The following HERC4 variants were observed in gnomAD, a reference collection of about 807,000 sequenced individuals.
HERC4 encodes probable E3 ubiquitin-protein ligase HERC4.
Under a neutral mutation model 124.3 loss-of-function variants are expected in HERC4, and 28 were observed. The observed-to-expected ratio is 0.23, with a 90% CI of 0.17 to 0.31. The LOEUF (loss-of-function observed/expected upper bound fraction) is 0.31, where lower values mean the gene tolerates loss of function less well. Ranked by LOEUF, HERC4 falls within the 10% of genes least tolerant of loss-of-function variation. The probability of loss-of-function intolerance (pLI) is 1.00; values close to 1 mark genes in which losing one functional copy is unlikely to be tolerated. For missense variants in HERC4, 713 were observed against 1,229.3 expected, an observed-to-expected ratio of 0.58 and a Z score of 6.28; for synonymous variants, 407 against 421.5, an observed-to-expected ratio of 0.97 and a Z score of 0.42.
intron 3 of HERC4, 46 bp from the exon 4 acceptor site, chr10:68,044,609 A>G (rs767201099): frequency 1.3e-6 from 2 of 1,554,982 alleles, no homozygotes; most frequent in East Asian, 2.3e-5. Flanking sequence ...TACAGAAATC[A>G]AGGAAAAAGA....
At chr10:67,996,545 G>A (rs1158940803) in intron 9 of HERC4, among the ~76,000 whole-genome samples, 1 of 152,008 alleles carries the variant, frequency 6.6e-6, no homozygotes, top group African/African-American at 2.4e-5. Context: ...ACTCCAAAGG[G>A]CTTTGTTTAC....
rs1378039200 is a variant in HERC4 at position 67,990,923 on chromosome 10, T to C, written c.1424A>G (p.His475Arg). 1 of 1,600,048 alleles carries C rather than the reference T, an allele frequency of 6.2e-7. No homozygotes were observed. Among genetic ancestry groups the C allele is most frequent in the African/African-American group, 1.3e-5 (1 of 74,458 alleles). The change falls in exon 13 of 25, where the codon CAT (histidine) becomes CGT (arginine). Residue 475 changes from histidine (H) to arginine (R), a missense_variant. Transcript: ENST00000373700. Reference sequence around the variant, plus strand: ...ACAGACCTGCTGAGATATCTGCGGATGATCAGGTTGTATAAGTTTGTGGAA... The same window carrying C: ...ACAGACCTGCTGAGATATCTGCGGACGATCAGGTTGTATAAGTTTGTGGAA... Reference protein sequence around the residue: ...LLFHKLIQPDHPQISQQVAAS... With the variant: ...LLFHKLIQPDRPQISQQVAAS...
At chr10:68,026,453 C>T (rs961780499) in intron 7 of HERC4, among the ~76,000 whole-genome samples, 4 of 151,662 alleles carry the variant, frequency 2.6e-5, no homozygotes, top group Non-Finnish European at 4.4e-5. Context: ...AAAAAAAACT[C>T]CCTATAAAAA....
chr10:67,979,159 T>C (rs190722148), intron 15 of HERC4, among the ~76,000 whole-genome samples: 4 of 151,926 alleles, frequency 2.6e-5, no homozygotes, highest in East Asian at 1.9e-4. Flanking sequence ...CAAAGACAAA[T>C]CTTGGAGAAA....
intron 3 of HERC4, among the ~76,000 whole-genome samples, chr10:68,059,486 T>C (rs1315221889): frequency 9.6e-6 from 1 of 104,468 alleles, no homozygotes; most frequent in African/African-American, 4.2e-5. Context: ...TAATATTATA[T>C]ATTATAACAT....
chr10:67,965,065 C>T (rs1277643137), intron 16 of HERC4: 1 of 152,370 alleles, frequency 6.6e-6, no homozygotes, highest in Non-Finnish European at 1.5e-5. Context: ...AGCCACCACA[C>T]CTGGCCTAAT....
intron 9 of HERC4, among the ~76,000 whole-genome samples, chr10:67,995,775 A>T (rs996320374): frequency 6.6e-6 from 1 of 152,078 alleles, no homozygotes; most frequent in Admixed American, 6.6e-5. Flanking sequence ...TCCTCAACTC[A>T]TATCTTCTTG....
intron 21 of HERC4, among the ~76,000 whole-genome samples, chr10:67,936,683 T>C (rs1413411817): frequency 6.6e-6 from 1 of 152,210 alleles, no homozygotes; most frequent in African/African-American, 2.4e-5. Flanking sequence ...TTTCCAGTTA[T>C]GTACTAATTT....
At chr10:68,014,969 G>A (rs970640249) in intron 8 of HERC4, among the ~76,000 whole-genome samples, 1 of 152,138 alleles carries the variant, frequency 6.6e-6, no homozygotes, top group African/African-American at 2.4e-5. Flanking sequence ...GCCATTTGTG[G>A]CATATTGTTT....
At chr10:67,927,506 AC>A in intron 23 of HERC4, among the ~76,000 whole-genome samples, 1 of 138,878 alleles carries the variant, frequency 7.2e-6, no homozygotes, top group African/African-American at 2.6e-5. Flanking sequence ...GCTCACTGCA[AC>A]CTCTGCCTCC....
intron 15 of HERC4, among the ~76,000 whole-genome samples, chr10:67,980,283 G>A (rs548741605): frequency 3.3e-5 from 5 of 152,036 alleles, no homozygotes; most frequent in South Asian, 2.1e-4. Flanking sequence ...ACAGACATGC[G>A]CCACCATGCC....
chr10:68,031,855 C>T (rs1474079512), intron 7 of HERC4, among the ~76,000 whole-genome samples: 3 of 152,028 alleles, frequency 2.0e-5, no homozygotes, highest in Admixed American at 2.0e-4. Flanking sequence ...CTGGGTTCAA[C>T]TGATTCTCCT....
chr10:68,051,135 CA>C (rs1177682590), intron 3 of HERC4, among the ~76,000 whole-genome samples: 5 of 147,026 alleles, frequency 3.4e-5, no homozygotes, highest in African/African-American at 1.3e-4. Flanking sequence ...AAACTTGCCA[CA>C]CAAGTCCATT....
At chr10:68,040,478 T>G (rs932737422) in intron 4 of HERC4, 1 of 755,284 alleles carries the variant, frequency 1.3e-6, no homozygotes, top group Non-Finnish European at 1.6e-6. Context: ...AAGAGATAAA[T>G]TAGAAAATAA....
intron 9 of HERC4, among the ~76,000 whole-genome samples, chr10:68,004,519 G>A (rs189514474): frequency 1.6e-4 from 25 of 152,254 alleles, no homozygotes; most frequent in Middle Eastern, 3.4e-3. Context: ...ATAGTTTCAG[G>A]TCTTAGATTT....
At chr10:67,944,351 T>G (rs1229988570) in intron 19 of HERC4, among the ~76,000 whole-genome samples, 2 of 152,228 alleles carry the variant, frequency 1.3e-5, no homozygotes, top group Admixed American at 6.5e-5. Context: ...GGACAGTACC[T>G]CTTAGTTTGC....
intron 22 of HERC4, among the ~76,000 whole-genome samples, chr10:67,933,904 C>G (rs745525085): frequency 2.6e-5 from 4 of 152,104 alleles, no homozygotes; most frequent in Non-Finnish European, 5.9e-5. Flanking sequence ...AGTTATAAAG[C>G]ATCTAAGTAG....
intron 3 of HERC4, among the ~76,000 whole-genome samples, chr10:68,066,598 G>C (rs1233187000): frequency 6.6e-6 from 1 of 152,186 alleles, no homozygotes; most frequent in East Asian, 1.9e-4. Context: ...GCATCTTAGA[G>C]AGAGATGCAT....
At chr10:67,952,757 G>A (rs1333673320) in intron 19 of HERC4, among the ~76,000 whole-genome samples, 7 of 151,620 alleles carry the variant, frequency 4.6e-5, no homozygotes, top group African/African-American at 1.2e-4. Flanking sequence ...AAAATTAGCC[G>A]GGCATGGTGG....
Sources: allele counts gnomAD v4.1 joint callset (sites outside exome capture counted in the v4.1 genomes callset), GRCh38; gene constraint gnomAD v4.1.1; transcripts MANE v1.5; gene names NCBI Gene and HGNC (gene_info 2026-07-23, HGNC 2026-07-21).